DOCK4: variants seen among roughly 807,000 people sequenced by gnomAD.
The protein encoded by DOCK4 is dedicator of cytokinesis 4.
DOCK4 carries 97 observed loss-of-function variants against 268.1 expected under a neutral mutation model. The ratio of observed to expected loss-of-function variants is 0.36; its 90% CI spans 0.31 to 0.43. The LOEUF is 0.43. Among genes scored for constraint, DOCK4 ranks in the 20% least tolerant of loss-of-function variants. The pLI, the probability that DOCK4 is intolerant of heterozygous loss-of-function variation, is 1.00. For missense variants in DOCK4, 2,145 were observed against 2,455.7 expected, an observed-to-expected ratio of 0.87 and a Z score of 2.67; for synonymous variants, 954 against 887.2, an observed-to-expected ratio of 1.08 and a Z score of -1.34.
At chr7:112,165,917 C>T (rs1291669480) in intron 1 of DOCK4, among the ~76,000 whole-genome samples, 2 of 152,042 alleles carry the variant, frequency 1.3e-5, no homozygotes, top group Admixed American at 6.6e-5. Context: ...TCCCTCGCCC[C>T]CTCCAAATAA....
chr7:111,800,515 C>T (rs1800195647), intron 30 of DOCK4, among the ~76,000 whole-genome samples: 1 of 152,072 alleles, frequency 6.6e-6, no homozygotes, highest in African/African-American at 2.4e-5. Context: ...TGGTAATGTA[C>T]AGCGACATCT....
chr7:112,128,401 C>A (rs1254611045), intron 1 of DOCK4, among the ~76,000 whole-genome samples: 1 of 152,162 alleles, frequency 6.6e-6, no homozygotes, highest in African/African-American at 2.4e-5. Context: ...CAGGCCACCA[C>A]CCCGTCTGGG....
chr7:112,013,508 A>T (rs762278523), intron 1 of DOCK4, among the ~76,000 whole-genome samples: 3 of 152,180 alleles, frequency 2.0e-5, no homozygotes, highest in Non-Finnish European at 2.9e-5. Context: ...ATAGTTTTCC[A>T]ATCTCACCCT....
intron 16 of DOCK4, among the ~76,000 whole-genome samples, chr7:111,881,155 A>G (rs1807352395): frequency 6.6e-6 from 1 of 152,182 alleles, no homozygotes; most frequent in African/African-American, 2.4e-5. Flanking sequence ...AATGGGAGAA[A>G]ATACTTGCAA....
chr7:111,998,622 C>A, intron 3 of DOCK4, 119 bp from the exon 4 acceptor site: 2 of 567,298 alleles, frequency 3.5e-6, no homozygotes, highest in Middle Eastern at 2.8e-4. Context: ...GGAAAAGCAA[C>A]ATCTCTACCA....
chr7:112,053,833 G>A lies in DOCK4; in HGVS notation c.38-49702C>T, dbSNP rs906391699. The stretch of plus-strand genomic sequence containing the variant: ...CGCTGGGACCTTACCTAAGCACACA[G>A]GTGAGGAGTAGAGAGTGCAAAGTGG... On this transcript the variant is annotated intron_variant, in intron 1 of 52. Transcript: ENST00000428084. Among the ~76,000 whole-genome samples the A allele has an allele frequency of 2.0e-4, 31 of 152,284 alleles. No individual in the cohort carries two copies. In the Middle Eastern group the frequency reaches 0.01, roughly 50 times the overall value.
At chr7:111,977,332 A>G in intron 7 of DOCK4, 49 bp from the exon 8 acceptor site, 1 of 1,556,286 alleles carries the variant, frequency 6.4e-7, no homozygotes, top group Non-Finnish European at 8.7e-7. Context: ...ACTGAAGGAA[A>G]TAACAGGACC....
chr7:111,821,488 G>C (rs1318169055), intron 27 of DOCK4: 2 of 152,214 alleles, frequency 1.3e-5, no homozygotes, highest in Non-Finnish European at 2.9e-5. Context: ...ACAGGAAGTG[G>C]AGAGAGCAGA....
intron 1 of DOCK4, among the ~76,000 whole-genome samples, chr7:112,044,426 G>A (rs1331198100): frequency 6.6e-6 from 1 of 151,972 alleles, no homozygotes; most frequent in East Asian, 1.9e-4. Context: ...GATCTGTATT[G>A]GATGATCTTA....
chr7:111,819,063 A>G (rs114204143), intron 27 of DOCK4, among the ~76,000 whole-genome samples: 2,764 of 152,304 alleles, frequency 0.018, 73 homozygotes, highest in African/African-American at 0.05. Context: ...GATTTAACAA[A>G]TCGCTTTTTG....
At chr7:111,747,237 TTC>T in intron 43 of DOCK4, 28 bp downstream of exon 43, 1 of 1,590,526 alleles carries the variant, frequency 6.3e-7, no homozygotes, top group African/African-American at 1.4e-5. Context: ...ATTGAAAACT[TTC>T]TCTGAAACAA....
rs59409689 is a variant in DOCK4, at chr7:111,974,492, ATGTGTGTGTGTGTGTGTG to A, written c.701+2622_701+2639del. Among the ~76,000 whole-genome samples, 240 of 84,384 alleles carry A rather than the reference ATGTGTGTGTGTGTGTGTG, an allele frequency of 2.8e-3. 2 individuals carry two copies. Among genetic ancestry groups the A allele is most frequent in the African/African-American group, 8.2e-3 (187 of 22,720 alleles). 55.4% of individuals were successfully genotyped at this position (84,384 alleles called of 152,430 possible). A position where few individuals can be genotyped will look rare whatever the true frequency, so the allele number is the denominator to read the frequency against. ...AGATCAGGTGGCATATTGAAGAGGGATGTGTGTGTGTGTGTGTGTGTGTGTGTGTGTGTGTGTGTGTGT... is the reference window on the plus strand; with the variant it reads ...AGATCAGGTGGCATATTGAAGAGGGATGTGTGTGTGTGTGTGTGTGTGTGT... On this transcript the variant is annotated intron_variant, in intron 8 of 52. Transcript: ENST00000428084.
At chr7:111,866,298 TA>T (rs954979261) in intron 22 of DOCK4, among the ~76,000 whole-genome samples, 1 of 152,204 alleles carries the variant, frequency 6.6e-6, no homozygotes, top group Non-Finnish European at 1.5e-5. Flanking sequence ...TAAAGAAAAC[TA>T]ACCATTTTAT....
intron 30 of DOCK4, among the ~76,000 whole-genome samples, chr7:111,792,143 T>C (rs1799593051): frequency 6.6e-6 from 1 of 152,246 alleles, no homozygotes; most frequent in South Asian, 2.1e-4. Context: ...ATCATCTTTG[T>C]TAAATCTCAT....
At chr7:112,120,145 T>A (rs1035340006) in intron 1 of DOCK4, among the ~76,000 whole-genome samples, 12 of 152,148 alleles carry the variant, frequency 7.9e-5, no homozygotes, top group Non-Finnish European at 1.6e-4. Flanking sequence ...TTTAATAATT[T>A]AAGCTTCACT....
intron 1 of DOCK4, among the ~76,000 whole-genome samples, chr7:112,020,042 C>T (rs1381340318): frequency 6.6e-6 from 1 of 152,206 alleles, no homozygotes; most frequent in African/African-American, 2.4e-5. Context: ...AACTTTCCTA[C>T]ATTGTGTTTG....
Position 111,729,997 on chromosome 7 carries a change from T to C in DOCK4, c.5482-1277A>G, listed in dbSNP as rs1214355648. Among the ~76,000 whole-genome samples, 13 of 152,012 alleles carry C rather than the reference T, an allele frequency of 8.6e-5. No homozygotes were observed. In the South Asian group the frequency reaches 1.5e-3, roughly 17 times the overall value. On this transcript the variant is annotated intron_variant, in intron 52 of 52. Coordinates refer to ENST00000428084, the MANE Select transcript of DOCK4 (RefSeq NM_001363540.2). Reference sequence around the variant, plus strand: ...AAAGAACTAGGAGTTCTGGCCACAATGGCACACATTCTCTTAATAGAGATA... The same window carrying C: ...AAAGAACTAGGAGTTCTGGCCACAACGGCACACATTCTCTTAATAGAGATA...
intron 27 of DOCK4, chr7:111,821,221 G>A (rs1801951948): frequency 1.3e-5 from 2 of 152,140 alleles, no homozygotes; most frequent in South Asian, 4.1e-4. Context: ...TATTCCTGCA[G>A]CTCTCACCAC....
intron 1 of DOCK4, among the ~76,000 whole-genome samples, chr7:112,158,833 C>T (rs1816840235): frequency 6.6e-6 from 1 of 152,230 alleles, no homozygotes. Context: ...CCTGACAGCA[C>T]TTAAAAATCA....
Sources: gnomAD v4.1 joint callset for allele counts (sites outside exome capture counted in the v4.1 genomes callset) on GRCh38, gnomAD v4.1.1 for gene constraint, MANE v1.5 for transcripts, NCBI Gene and HGNC (gene_info 2026-07-23, HGNC 2026-07-21) for gene names.